The following RGS12 variants were observed in gnomAD, a reference collection of about 807,000 sequenced individuals.
RGS12 encodes regulator of G-protein signaling 12.
In RGS12, 66 loss-of-function variants were observed where a neutral mutation model predicts 120.1. That is an observed-to-expected ratio of 0.55 (90% CI 0.45 to 0.67). RGS12 has a LOEUF of 0.67. Among genes scored for constraint, RGS12 ranks in the 30% least tolerant of loss-of-function variants. The pLI is 0.00. For synonymous variants in RGS12, 827 were observed against 804.7 expected (o/e 1.03, Z -0.47); for missense variants, 1,859 against 1,957.7 (o/e 0.95, Z 0.95).
At chr4:3,428,256 C>A in intron 15 of RGS12, 87 bp downstream of exon 15, 1 of 1,205,392 alleles carries the variant, frequency 8.3e-7, no homozygotes, top group Non-Finnish European at 1.2e-6. Context: ...TGCTTCCTTA[C>A]CGCCTGCTTA....
At chr4:3,311,791 G>GA (rs1010514632) in intron 1 of RGS12, among the ~76,000 whole-genome samples, 7 of 152,178 alleles carry the variant, frequency 4.6e-5, no homozygotes, top group African/African-American at 1.7e-4. Flanking sequence ...TTCCGAATCA[G>GA]AAAAAATCCA....
At chr4:3,383,597 C>T (rs547365758) in intron 3 of RGS12, among the ~76,000 whole-genome samples, 1 of 140,664 alleles carries the variant, frequency 7.1e-6, no homozygotes, top group South Asian at 2.7e-4. Flanking sequence ...CAGAGCGAGA[C>T]TGTCAAAAAA....
At chr4:3,403,973 G>A (rs538724734) in intron 4 of RGS12, among the ~76,000 whole-genome samples, 2 of 152,340 alleles carry the variant, frequency 1.3e-5, no homozygotes, top group African/African-American at 4.8e-5. Context: ...GGAGTAAGGA[G>A]GGGGCTATGG....
chr4:3,304,237 G>A (rs1723851286), intron 1 of RGS12, among the ~76,000 whole-genome samples: 1 of 152,198 alleles, frequency 6.6e-6, no homozygotes, highest in African/African-American at 2.4e-5. Flanking sequence ...GACATTTTAT[G>A]TATTGTACTT....
At chr4:3,416,244 G>A (rs1010966189) in intron 7 of RGS12, 123 bp downstream of exon 7, 21 of 1,119,490 alleles carry the variant, frequency 1.9e-5, no homozygotes, top group Non-Finnish European at 2.6e-5. Context: ...GACGCAGGTA[G>A]AGAAACGCAG....
At chr4:3,414,560 T>A (rs1404477263) in intron 5 of RGS12, 192 bp from the exon 6 acceptor site, 7 of 606,186 alleles carry the variant, frequency 1.2e-5, no homozygotes. Flanking sequence ...AAAGAGATGT[T>A]TTGCTTTTGG....
At position 3,316,203 on chromosome 4, in the gene RGS12, A is replaced by G. The variant is rs201793343; in HGVS notation, c.33A>G (p.Pro11=). 3 of 1,589,694 alleles carry G rather than the reference A, an allele frequency of 1.9e-6. No homozygotes were observed. The highest frequency in any genetic ancestry group is 1.3e-5 in the African/African-American group (1 of 74,374). MFRAGEASKR[P]LPGPSPPRVR... ...GAGCTGGGGAGGCCTCCAAACGCCC[A>G]TTGCCTGGGCCGTCGCCCCCAAGGG... is the stretch of plus-strand genomic sequence containing the variant. The change falls in exon 2 of 18, where the codon CCA becomes CCG. Residue 11 remains proline (P), a synonymous_variant. Transcript: ENST00000336727.
At position 3,431,277 on chromosome 4, in the gene RGS12, G is replaced by A. The variant is rs140569273; in HGVS notation, c.4114+322G>A. 4.1e-4 allele frequency: 488 copies of A among 1,191,730 alleles called. 5 individuals carry two copies. The East Asian group carries it at 0.017, about 42-fold the overall frequency. 73.8% of individuals were successfully genotyped at this position (1,191,730 alleles called of 1,614,324 possible). A position where few individuals can be genotyped will look rare whatever the true frequency, so the allele number is the denominator to read the frequency against. On this transcript the variant is annotated intron_variant, in intron 17 of 17. Coordinates refer to ENST00000336727, the MANE Select transcript of RGS12 (RefSeq NM_001394154.1). Reference sequence around the variant, plus strand: ...CCCTGGGTGAGGCCTGGGGGTTTCCGAAAATGGAGGCATTCCTTTCCAAAT... The same window carrying A: ...CCCTGGGTGAGGCCTGGGGGTTTCCAAAAATGGAGGCATTCCTTTCCAAAT...
Position 3,366,675 on chromosome 4 carries a change from C to T in RGS12, c.1999-19741C>T, listed in dbSNP as rs1442504706. Among the ~76,000 whole-genome samples the T allele has an allele frequency of 2.0e-5, 3 of 152,186 alleles. No individual in the cohort carries two copies. The highest frequency in any genetic ancestry group is 4.1e-4 in the South Asian group (2 of 4,830). ...TGTTCCCTCCAGGTCGAGCTGTGCG[C>T]CAGGCATGGCCGGAAAGCTCAGGAG... On this transcript the variant is annotated intron_variant, in intron 3 of 17. Transcript: ENST00000336727. The surrounding 1 kb of genome is among the most constrained non-coding windows in gnomAD (Gnocchi z 4.0).
chr4:3,362,844 AGT>A (rs1193174849), intron 3 of RGS12, among the ~76,000 whole-genome samples: 9 of 125,008 alleles, frequency 7.2e-5, no homozygotes, highest in African/African-American at 2.3e-4. Context: ...TGTGAGACTG[AGT>A]GTGAGGGTGT....
intron 3 of RGS12, among the ~76,000 whole-genome samples, chr4:3,356,875 C>A (rs955517796): frequency 6.6e-6 from 1 of 152,086 alleles, no homozygotes; most frequent in Non-Finnish European, 1.5e-5. Context: ...AATACCTGTT[C>A]GAGTTCCTGC....
chr4:3,355,883 A>G (rs1396353224), intron 3 of RGS12, among the ~76,000 whole-genome samples: 1 of 151,804 alleles, frequency 6.6e-6, no homozygotes, highest in East Asian at 1.9e-4. Flanking sequence ...TTAATTCAAC[A>G]AGGTTGCTAG....
intron 2 of RGS12, among the ~76,000 whole-genome samples, chr4:3,322,014 G>C (rs77868188): frequency 0.019 from 2,970 of 152,348 alleles, 83 homozygotes; most frequent in African/African-American, 0.057. Context: ...ACTGCCACCA[G>C]ATTCTCCATT....
At chr4:3,314,367 AT>A (rs1371300363) in intron 1 of RGS12, 11 of 152,100 alleles carry the variant, frequency 7.2e-5, no homozygotes, top group African/African-American at 2.4e-4. Flanking sequence ...AATCTTTTCT[AT>A]TAGAAGTTAT....
chr4:3,379,017 G>GTT (rs1392578840), intron 3 of RGS12, among the ~76,000 whole-genome samples: 1 of 148,898 alleles, frequency 6.7e-6, no homozygotes, highest in African/African-American at 2.5e-5. Flanking sequence ...GTGTGTGTGT[G>GTT]TGTGTGTGTG....
At chr4:3,310,391 A>C (rs565931385) in intron 1 of RGS12, among the ~76,000 whole-genome samples, 12 of 152,322 alleles carry the variant, frequency 7.9e-5, no homozygotes, top group Non-Finnish European at 1.6e-4. Context: ...TCCACGCTGC[A>C]CCCCAAGAAG....
At chr4:3,415,939 G>C in intron 6 of RGS12, 39 bp from the exon 7 acceptor site, 1 of 1,575,436 alleles carries the variant, frequency 6.3e-7, no homozygotes, top group Non-Finnish European at 8.6e-7. Flanking sequence ...TGCGGGGAGA[G>C]GAAGCCTTGC....
intron 13 of RGS12, among the ~76,000 whole-genome samples, chr4:3,424,029 G>T (rs1434990822): frequency 1.3e-5 from 2 of 152,268 alleles, no homozygotes; most frequent in Admixed American, 6.5e-5. Context: ...CATGCCCCCA[G>T]TGCACGGTCA....
chr4:3,383,134 C>T (rs1382956058), intron 3 of RGS12, among the ~76,000 whole-genome samples: 1 of 152,100 alleles, frequency 6.6e-6, no homozygotes. Flanking sequence ...TCCCCGAGGG[C>T]CATGGCTGAG....
Sources: allele counts gnomAD v4.1 joint callset (sites outside exome capture counted in the v4.1 genomes callset), GRCh38; gene constraint gnomAD v4.1.1; non-coding constraint Gnocchi (gnomAD v3.1); transcripts MANE v1.5; gene names NCBI Gene and HGNC (gene_info 2026-07-23, HGNC 2026-07-21).